SPAG16: variants seen among roughly 807,000 people sequenced by gnomAD.
SPAG16 encodes the protein sperm-associated antigen 16 protein.
A neutral mutation model predicts 80.4 loss-of-function variants in SPAG16; 86 were observed. That is an observed-to-expected ratio of 1.07 (90% confidence interval 0.90 to 1.28). The LOEUF (loss-of-function observed/expected upper bound fraction) is 1.28. Ranked by LOEUF, SPAG16 falls within the 50% of genes most tolerant of loss-of-function variation. The pLI, the probability that SPAG16 is intolerant of heterozygous loss-of-function variation, is 0.00. For synonymous variants in SPAG16, 294 were observed against 265.9 expected, an observed-to-expected ratio of 1.11 and a Z score of -1.03; for missense variants, 870 against 765.3, an observed-to-expected ratio of 1.14 and a Z score of -1.61.
intron 10 of SPAG16, among the ~76,000 whole-genome samples, chr2:213,607,855 C>T (rs542048322): frequency 5.4e-4 from 82 of 152,232 alleles, no homozygotes; most frequent in African/African-American, 1.7e-3. Flanking sequence ...CAACTGCCTC[C>T]GATTTTAGGA....
chr2:213,400,298 A>T (rs536775535), intron 9 of SPAG16, among the ~76,000 whole-genome samples: 3 of 152,252 alleles, frequency 2.0e-5, no homozygotes, highest in African/African-American at 7.2e-5. Flanking sequence ...AATTTTCCCC[A>T]AATACTGTTT....
At chr2:213,563,898 T>C (rs1049577838) in intron 10 of SPAG16, among the ~76,000 whole-genome samples, 6 of 152,298 alleles carry the variant, frequency 3.9e-5, no homozygotes, top group African/African-American at 1.4e-4. Flanking sequence ...AGTGTGCTGA[T>C]TGCAGGTGCC....
chr2:213,793,419 A>G (rs896981981), intron 10 of SPAG16, among the ~76,000 whole-genome samples: 1 of 152,192 alleles, frequency 6.6e-6, no homozygotes. Context: ...AGTTATAGGT[A>G]CATGCCACTC....
chr2:213,980,725 T>TATATAGAGAGAG lies in SPAG16; in HGVS notation c.1401-33225_1401-33224insTATAGAGAGAGA, dbSNP rs374274176. Among the ~76,000 whole-genome samples the TATATAGAGAGAG allele has an allele frequency of 1.9e-3, 202 of 103,954 alleles. 6 individuals are homozygous for TATATAGAGAGAG. The highest frequency in any genetic ancestry group is 8.1e-3 in the African/African-American group (162 of 20,060). 68.2% of individuals were successfully genotyped at this position (103,954 alleles called of 152,430 possible). On this transcript the variant is annotated intron_variant, in intron 12 of 15. Transcript: ENST00000331683. ...GTGTGTGTGTGTGTATATATATATA[T>TATATAGAGAGAG]AGAGAGAGAGAGAGAGAGAGAGAGA...
chr2:213,592,432 G>T (rs2060730136), intron 10 of SPAG16, among the ~76,000 whole-genome samples: 1 of 152,070 alleles, frequency 6.6e-6, no homozygotes, highest in African/African-American at 2.4e-5. Context: ...GCTTAAAAAA[G>T]AAATACTTTA....
At chr2:213,952,714 G>A (rs2043912626) in intron 12 of SPAG16, among the ~76,000 whole-genome samples, 1 of 151,978 alleles carries the variant, frequency 6.6e-6, no homozygotes, top group Non-Finnish European at 1.5e-5. Flanking sequence ...TTCTAACCGT[G>A]GATGGAGGGC....
rs1024412716 is a variant in SPAG16, at chr2:213,859,237, T to C, written c.1071-3248T>C. On this transcript the variant is annotated intron_variant, in intron 10 of 15. Transcript: ENST00000331683. ...AAAAACTCAATGTCCTCTGACAACTTGATGTATAATACCGGACTTCTACTA... is the reference window on the plus strand; with the variant it reads ...AAAAACTCAATGTCCTCTGACAACTCGATGTATAATACCGGACTTCTACTA... Among the ~76,000 whole-genome samples the C allele has an allele frequency of 2.3e-5, 3 of 131,700 alleles. No homozygotes were observed. The Admixed American group carries it at 2.4e-4, about 11-fold the overall frequency. 86.4% of individuals were successfully genotyped at this position (131,700 alleles called of 152,430 possible).
chr2:213,903,792 T>C (rs766727459), intron 11 of SPAG16, among the ~76,000 whole-genome samples: 24 of 152,220 alleles, frequency 1.6e-4, no homozygotes, highest in Non-Finnish European at 2.6e-4. Context: ...TAAAACTGAA[T>C]GTTTTTTAAC....
chr2:213,634,667 T>C (rs914656999), intron 10 of SPAG16, among the ~76,000 whole-genome samples: 1 of 152,160 alleles, frequency 6.6e-6, no homozygotes, highest in Non-Finnish European at 1.5e-5. Context: ...ATAAGTTCTT[T>C]AGTGGTGATT....
chr2:214,370,827 C>T (rs939611979), intron 15 of SPAG16, among the ~76,000 whole-genome samples: 2 of 152,126 alleles, frequency 1.3e-5, no homozygotes, highest in African/African-American at 2.4e-5. Flanking sequence ...AAAAATCTAA[C>T]GTGTTTATTT....
intron 10 of SPAG16, among the ~76,000 whole-genome samples, chr2:213,509,881 G>T (rs1339128671): frequency 6.6e-6 from 1 of 152,130 alleles, no homozygotes; most frequent in Non-Finnish European, 1.5e-5. Flanking sequence ...TCCAGCAGCT[G>T]GTTTTTTGAA....
At chr2:214,138,592 A>C (rs1576323808) in intron 14 of SPAG16, among the ~76,000 whole-genome samples, 1 of 152,164 alleles carries the variant, frequency 6.6e-6, no homozygotes, top group African/African-American at 2.4e-5. Flanking sequence ...CAGACTGAGC[A>C]GTTGGCAACT....
chr2:213,971,099 T>C (rs2045025916), intron 12 of SPAG16, among the ~76,000 whole-genome samples: 1 of 152,180 alleles, frequency 6.6e-6, no homozygotes, highest in African/African-American at 2.4e-5. Flanking sequence ...TAGTTAATAA[T>C]TAAGATAAGC....
At chr2:213,298,698 G>A (rs1188054600) in intron 3 of SPAG16, among the ~76,000 whole-genome samples, 1 of 152,198 alleles carries the variant, frequency 6.6e-6, no homozygotes, top group African/African-American at 2.4e-5. Flanking sequence ...CATTGTAGTA[G>A]CTGTTGTATC....
intron 13 of SPAG16, among the ~76,000 whole-genome samples, chr2:214,095,549 A>G (rs994545277): frequency 6.6e-6 from 1 of 152,074 alleles, no homozygotes; most frequent in African/African-American, 2.4e-5. Context: ...AAGGAAAGCC[A>G]CCTATTATAA....
chr2:213,381,523 C>G (rs888714834), intron 9 of SPAG16, among the ~76,000 whole-genome samples: 1 of 152,094 alleles, frequency 6.6e-6, no homozygotes, highest in African/African-American at 2.4e-5. Context: ...TTAGGAGAAG[C>G]CTTTGTTAAT....
At chr2:214,083,567 T>C (rs889099374) in intron 13 of SPAG16, among the ~76,000 whole-genome samples, 1 of 127,068 alleles carries the variant, frequency 7.9e-6, no homozygotes, top group African/African-American at 3.1e-5. Flanking sequence ...TCCCAACTTA[T>C]GAGAGGAAGA....
chr2:214,074,500 G>T (rs1268279518), intron 13 of SPAG16, among the ~76,000 whole-genome samples: 1 of 152,072 alleles, frequency 6.6e-6, no homozygotes, highest in Non-Finnish European at 1.5e-5. Flanking sequence ...TGACTTTTGG[G>T]TATGTGAGGA....
At position 213,604,797 on chromosome 2, in the gene SPAG16, GA is replaced by G. The variant is rs139062369; in HGVS notation, c.1070+114714del. ...TTTAACTCTTCTTCATTTGCTTCAA[GA>G]AAAAAACCTAAATTTGTAATATGTA... On this transcript the variant is annotated intron_variant, in intron 10 of 15. Transcript: ENST00000331683. 7.3e-5 allele frequency among the ~76,000 whole-genome samples: 11 copies of G among 151,374 alleles called. No individual in the cohort carries two copies. The East Asian group carries it at 2.1e-3, about 29-fold the overall frequency.
Sources: allele counts gnomAD v4.1 joint callset (sites outside exome capture counted in the v4.1 genomes callset), GRCh38; gene constraint gnomAD v4.1.1; transcripts MANE v1.5; gene names NCBI Gene and HGNC (gene_info 2026-07-23, HGNC 2026-07-21).